Variants in FBXL17 observed in about 807,000 individuals in gnomAD.
FBXL17 encodes F-box and leucine rich repeat protein 17, also known as F-box/LRR-repeat protein 17.
A neutral mutation model predicts 66.2 loss-of-function variants in FBXL17; 22 were observed. The observed-to-expected ratio is 0.33, with a 90% CI of 0.24 to 0.47. FBXL17 has a LOEUF of 0.47. Among genes scored for constraint, FBXL17 ranks in the 20% least tolerant of loss-of-function variants. The pLI is 1.00. For synonymous variants in FBXL17, 474 were observed against 400.5 expected (o/e 1.18, Z -2.19); for missense variants, 878 against 948.2 (o/e 0.93, Z 0.97).
rs1210335300 is a variant in FBXL17 at position 108,381,812 on chromosome 5, ACACACACGCACACACGGG to A, written c.-139_-122del. 1 of 1,335,128 alleles carries A rather than the reference ACACACACGCACACACGGG, an allele frequency of 7.5e-7. No homozygotes were observed. The highest frequency in any genetic ancestry group is 4.0e-5 in the Admixed American group (1 of 24,812). The allele number at this position is 1,335,128 out of a possible 1,614,324, so 82.7% of individuals were successfully genotyped here. A position where few individuals can be genotyped will look rare whatever the true frequency, so the allele number is the denominator to read the frequency against. On this transcript the variant is annotated 5_prime_UTR_variant, in exon 1 of 9. Coordinates refer to ENST00000542267, the MANE Select transcript of FBXL17 (RefSeq NM_001163315.3). ...CCCGGAGGGGTCGCCCTTCCTGCGC[ACACACACGCACACACGGG>A]CACACACGCGACGGTGGGGGGTGGG...
Position 107,928,821 on chromosome 5 carries a change from G to C in FBXL17, c.1823-47642C>G, listed in dbSNP as rs189423964. On this transcript the variant is annotated intron_variant, in intron 7 of 8. Transcript: ENST00000542267. Reference sequence around the variant, plus strand: ...ATTACACAATTATCAGTGTCTCTAAGTGTAAGCAGCCATTTGTAGAAAACA... The same window carrying C: ...ATTACACAATTATCAGTGTCTCTAACTGTAAGCAGCCATTTGTAGAAAACA... Among the ~76,000 whole-genome samples the C allele has an allele frequency of 7.9e-5, 12 of 152,276 alleles. No homozygotes were observed. The East Asian group carries it at 1.4e-3, about 17-fold the overall frequency.
chr5:107,992,395 T>C (rs1457402142), intron 7 of FBXL17, among the ~76,000 whole-genome samples: 1 of 152,104 alleles, frequency 6.6e-6, no homozygotes, highest in East Asian at 1.9e-4. Context: ...AAATACATTG[T>C]CTCCTTGAAA....
In FBXL17 at chr5:108,125,245, G is replaced by T. The variant is rs288199; in HGVS notation, c.1745+60872C>A. On this transcript the variant is annotated intron_variant, in intron 6 of 8. Transcript: ENST00000542267. Reference sequence around the variant, plus strand: ...TTGATGTGATTATTAAACATTATACGCCTATATCAAAATATTTCATGTACC... The same window carrying T: ...TTGATGTGATTATTAAACATTATACTCCTATATCAAAATATTTCATGTACC... Among the ~76,000 whole-genome samples the T allele has an allele frequency of 2.0e-5, 3 of 151,934 alleles. No individual in the cohort carries two copies. The South Asian group carries it at 6.2e-4, about 32-fold the overall frequency.
intron 5 of FBXL17, among the ~76,000 whole-genome samples, chr5:108,223,859 A>G (rs1382167532): frequency 2.6e-5 from 4 of 152,138 alleles, no homozygotes; most frequent in Admixed American, 2.0e-4. Flanking sequence ...CATTTAAATG[A>G]TTCTTTTCAT....
chr5:108,035,985 G>C lies in FBXL17; in HGVS notation c.1746-14984C>G, dbSNP rs567447209. Among the ~76,000 whole-genome samples, 13 of 152,236 alleles carry C rather than the reference G, an allele frequency of 8.5e-5. No individual in the cohort carries two copies. The South Asian group carries it at 2.7e-3, about 32-fold the overall frequency. Reference sequence around the variant, plus strand: ...GAAAACCAAAGTCTAATTTTTTTCAGATTGTTTATGCTGCTCTCGTCATGC... The same window carrying C: ...GAAAACCAAAGTCTAATTTTTTTCACATTGTTTATGCTGCTCTCGTCATGC... On this transcript the variant is annotated intron_variant, in intron 6 of 8. Transcript: ENST00000542267.
chr5:108,119,157 A>G (rs1205887000), intron 6 of FBXL17, among the ~76,000 whole-genome samples: 1 of 152,166 alleles, frequency 6.6e-6, no homozygotes, highest in African/African-American at 2.4e-5. Flanking sequence ...ATTCAAGAGA[A>G]TGTGACATTC....
Position 108,380,852 on chromosome 5 carries a change from T to C in FBXL17, c.840A>G (p.Arg280=). ...APTEAGGDAV[R]AGGTAPLSAQ... ...CGGACAAGGGGGCGGTGCCCCCGGC[T>C]CGGACAGCGTCCCCGCCAGCTTCGG... The change falls in exon 1 of 9, where the codon CGA becomes CGG. Residue 280 remains arginine (R), a synonymous_variant. Transcript: ENST00000542267. 1 of 1,246,120 alleles carries C rather than the reference T, an allele frequency of 8.0e-7. No homozygotes were observed. Among genetic ancestry groups the C allele is most frequent in the Non-Finnish European group, 1.0e-6 (1 of 988,062 alleles). The allele number at this position is 1,246,120 out of a possible 1,614,324, so 77.2% of individuals were successfully genotyped here.
At chr5:108,371,085 C>A (rs1749009367) in intron 1 of FBXL17, among the ~76,000 whole-genome samples, 1 of 152,030 alleles carries the variant, frequency 6.6e-6, no homozygotes, top group African/African-American at 2.4e-5. Flanking sequence ...GACAAAGGAC[C>A]AGGAAAATGG....
At chr5:107,983,265 C>T (rs769035088) in intron 7 of FBXL17, among the ~76,000 whole-genome samples, 5 of 152,120 alleles carry the variant, frequency 3.3e-5, no homozygotes, top group Non-Finnish European at 7.4e-5. Flanking sequence ...GATCATAGCT[C>T]ACTGCAGCCT....
At chr5:108,328,264 T>A (rs1759953024) in intron 4 of FBXL17, among the ~76,000 whole-genome samples, 1 of 152,014 alleles carries the variant, frequency 6.6e-6, no homozygotes, top group Non-Finnish European at 1.5e-5. Flanking sequence ...TATCTCTGAC[T>A]CCAGGTATTA....
intron 6 of FBXL17, among the ~76,000 whole-genome samples, chr5:108,105,123 G>A (rs158187): frequency 0.65 from 99,532 of 152,180 alleles, 33,545 homozygotes; most frequent in East Asian, 0.92. Context: ...TTACAGGCGT[G>A]AGCCACCACA....
At chr5:107,994,747 A>T (rs1321582330) in intron 7 of FBXL17, among the ~76,000 whole-genome samples, 4 of 152,132 alleles carry the variant, frequency 2.6e-5, no homozygotes, top group Non-Finnish European at 5.9e-5. Context: ...CTGAGGCAGG[A>T]AAATCCCTTC....
At chr5:108,138,438 T>C (rs1751226015) in intron 6 of FBXL17, among the ~76,000 whole-genome samples, 1 of 152,194 alleles carries the variant, frequency 6.6e-6, no homozygotes, top group Admixed American at 6.5e-5. Flanking sequence ...TGTGTGTAGA[T>C]ATCATACGTT....
At chr5:107,928,815 C>T in intron 7 of FBXL17, among the ~76,000 whole-genome samples, 1 of 152,156 alleles carries the variant, frequency 6.6e-6, no homozygotes, top group East Asian at 1.9e-4. Flanking sequence ...TTATCAGTGT[C>T]TCTAAGTGTA....
intron 6 of FBXL17, among the ~76,000 whole-genome samples, chr5:108,110,928 C>T (rs889389032): frequency 1.3e-5 from 2 of 152,124 alleles, no homozygotes; most frequent in African/African-American, 2.4e-5. Context: ...AAACTAGGTA[C>T]TAAGCCTCCC....
At chr5:108,099,307 C>A (rs774509115) in intron 6 of FBXL17, among the ~76,000 whole-genome samples, 1 of 152,116 alleles carries the variant, frequency 6.6e-6, no homozygotes, top group Non-Finnish European at 1.5e-5. Flanking sequence ...TTGCCTCTAT[C>A]CTCTTAGTTT....
chr5:108,352,073 A>G (rs1386225309), intron 3 of FBXL17, among the ~76,000 whole-genome samples: 1 of 152,270 alleles, frequency 6.6e-6, no homozygotes, highest in Non-Finnish European at 1.5e-5. Context: ...ATATGCAGAA[A>G]TTACCAGCAT....
At chr5:108,276,502 T>C (rs1757488794) in intron 4 of FBXL17, among the ~76,000 whole-genome samples, 1 of 152,186 alleles carries the variant, frequency 6.6e-6, no homozygotes, top group South Asian at 2.1e-4. Flanking sequence ...TAAGTCTTTA[T>C]GGATCAATAA....
At chr5:108,207,898 A>ACT (rs1454916153) in intron 5 of FBXL17, among the ~76,000 whole-genome samples, 9 of 152,116 alleles carry the variant, frequency 5.9e-5, no homozygotes, top group African/African-American at 1.9e-4. Flanking sequence ...GAATCACCAC[A>ACT]GTCTTCCACA....
Sources: allele counts gnomAD v4.1 joint callset (sites outside exome capture counted in the v4.1 genomes callset), GRCh38; gene constraint gnomAD v4.1.1; transcripts MANE v1.5; gene names NCBI Gene and HGNC (gene_info 2026-07-23, HGNC 2026-07-21).